Variants in MECOM observed in about 807,000 individuals in gnomAD.
The protein encoded by MECOM is MDS1 and EVI1 complex locus.
In MECOM, 13 loss-of-function variants were observed where a neutral mutation model predicts 116.3. That is an observed-to-expected ratio of 0.11 (90% CI 0.07 to 0.18). MECOM has a LOEUF of 0.18. Among genes scored for constraint, MECOM ranks in the 10% least tolerant of loss-of-function variants. The pLI, the probability that MECOM is intolerant of heterozygous loss-of-function variation, is 1.00. For missense variants in MECOM, 1,299 were observed against 1,509.0 expected, an observed-to-expected ratio of 0.86 and a Z score of 2.31; for synonymous variants, 528 against 535.2, an observed-to-expected ratio of 0.99 and a Z score of 0.19.
chr3:169,606,350 T>C (rs2109785425), intron 1 of MECOM, among the ~76,000 whole-genome samples: 2 of 151,488 alleles, frequency 1.3e-5, no homozygotes, highest in Non-Finnish European at 2.9e-5. Flanking sequence ...GAGGCGGAGT[T>C]TGCAGCAAGC....
In MECOM at chr3:169,327,501, G is replaced by C. The variant is rs914468321; in HGVS notation, c.375+53686C>G. Among the ~76,000 whole-genome samples the C allele has an allele frequency of 2.0e-5, 3 of 151,902 alleles. No homozygotes were observed. In the East Asian group the frequency reaches 5.8e-4, roughly 29 times the overall value. ...AAAAATACAAAAATTAGCCGGGTAT[G>C]GTGGCACATGCCTGTAGTCTCAGTC... On this transcript the variant is annotated intron_variant, in intron 2 of 16. Coordinates refer to ENST00000651503, the MANE Select transcript of MECOM (RefSeq NM_004991.4).
In MECOM at chr3:169,121,047, A is replaced by C; in HGVS notation, c.1132+9T>G. Reference sequence around the variant, plus strand: ...TGTGGGAAGGAGGGCTGGAGTGTTGAAAACTTACAGATAAAGGGCTTCACA... The same window carrying C: ...TGTGGGAAGGAGGGCTGGAGTGTTGCAAACTTACAGATAAAGGGCTTCACA... On this transcript the variant is annotated intron_variant, in intron 7 of 16. Transcript: ENST00000651503. 6.3e-7 allele frequency: 1 copy of C among 1,595,454 alleles called. No individual in the cohort carries two copies. The highest frequency in any genetic ancestry group is 8.6e-7 in the Non-Finnish European group (1 of 1,166,600).
intron 1 of MECOM, among the ~76,000 whole-genome samples, chr3:169,617,544 T>C (rs1208635276): frequency 1.3e-5 from 2 of 152,194 alleles, no homozygotes; most frequent in Non-Finnish European, 2.9e-5. Flanking sequence ...TCTTCTTTCC[T>C]GCCAGTCCAA....
chr3:169,621,123 A>G (rs900332122), intron 1 of MECOM, among the ~76,000 whole-genome samples: 3 of 152,216 alleles, frequency 2.0e-5, no homozygotes, highest in Non-Finnish European at 4.4e-5. Flanking sequence ...CCAACCTTAT[A>G]AAGAATTTAA....
intron 2 of MECOM, among the ~76,000 whole-genome samples, chr3:169,241,748 G>A (rs1045302402): frequency 6.6e-6 from 1 of 152,130 alleles, no homozygotes; most frequent in African/African-American, 2.4e-5. Flanking sequence ...ATGTTGAACA[G>A]GAAATGTTTG....
chr3:169,095,578 A>G (rs1721194231), intron 12 of MECOM, among the ~76,000 whole-genome samples: 1 of 152,202 alleles, frequency 6.6e-6, no homozygotes, highest in South Asian at 2.1e-4. Context: ...AGGACAATAC[A>G]ACTAATTTTT....
intron 2 of MECOM, among the ~76,000 whole-genome samples, chr3:169,274,663 C>A (rs1759373412): frequency 1.3e-5 from 2 of 152,106 alleles, no homozygotes; most frequent in Admixed American, 1.3e-4. Context: ...TCTATAAATG[C>A]ACTGTCAAAT....
chr3:169,563,316 T>C (rs1441840440), intron 1 of MECOM, among the ~76,000 whole-genome samples: 1 of 152,168 alleles, frequency 6.6e-6, no homozygotes, highest in Non-Finnish European at 1.5e-5. Flanking sequence ...AGGCCAACAC[T>C]ACCACCATGT....
chr3:169,227,146 C>A (rs1480342327), intron 2 of MECOM, among the ~76,000 whole-genome samples: 2 of 152,034 alleles, frequency 1.3e-5, no homozygotes, highest in African/African-American at 4.8e-5. Flanking sequence ...AGAGCAGGCC[C>A]AGATTGTACA....
intron 2 of MECOM, among the ~76,000 whole-genome samples, chr3:169,341,214 T>C (rs1724440322): frequency 6.6e-6 from 1 of 151,830 alleles, no homozygotes. Context: ...AGAAAAATTA[T>C]GCTAAAAAAT....
intron 1 of MECOM, among the ~76,000 whole-genome samples, chr3:169,436,245 C>CTTT (rs11349670): frequency 7.8e-4 from 73 of 93,676 alleles, no homozygotes; most frequent in East Asian, 2.9e-3. Context: ...GGCTAAATCG[C>CTTT]TTTTTTTTTT....
chr3:169,440,772 G>A (rs1019662741), intron 1 of MECOM, among the ~76,000 whole-genome samples: 1 of 152,084 alleles, frequency 6.6e-6, no homozygotes, highest in African/African-American at 2.4e-5. Flanking sequence ...GATGTTGGGA[G>A]GGGGAGATGA....
At chr3:169,463,116 A>G (rs956429168) in intron 1 of MECOM, among the ~76,000 whole-genome samples, 1 of 152,184 alleles carries the variant, frequency 6.6e-6, no homozygotes, top group African/African-American at 2.4e-5. Flanking sequence ...TATGTCTGTG[A>G]GCATACAAAA....
At chr3:169,157,438 A>G (rs1742158883) in intron 2 of MECOM, among the ~76,000 whole-genome samples, 1 of 152,208 alleles carries the variant, frequency 6.6e-6, no homozygotes. Flanking sequence ...AAATAAAGTA[A>G]CAACACTACA....
At chr3:169,525,450 T>C (rs1249130677) in intron 1 of MECOM, among the ~76,000 whole-genome samples, 1 of 152,200 alleles carries the variant, frequency 6.6e-6, no homozygotes, top group African/African-American at 2.4e-5. Flanking sequence ...TAACAGGGAC[T>C]GTAGGGAGTT....
At chr3:169,601,122 T>TA (rs891237623) in intron 1 of MECOM, among the ~76,000 whole-genome samples, 1 of 152,192 alleles carries the variant, frequency 6.6e-6, no homozygotes, top group African/African-American at 2.4e-5. Flanking sequence ...AGAATGAAGC[T>TA]AAAAGCCAGG....
chr3:169,610,448 T>C (rs1769104005), intron 1 of MECOM, among the ~76,000 whole-genome samples: 1 of 152,158 alleles, frequency 6.6e-6, no homozygotes, highest in South Asian at 2.1e-4. Flanking sequence ...TGTTGACCAA[T>C]TTAATCCTTG....
intron 10 of MECOM, among the ~76,000 whole-genome samples, chr3:169,106,750 C>T (rs1349607579): frequency 6.6e-6 from 1 of 152,012 alleles, no homozygotes; most frequent in East Asian, 1.9e-4. Flanking sequence ...TCATACTGTA[C>T]CTTAGAAAAG....
chr3:169,149,602 C>G (rs1383851795), intron 2 of MECOM: 1 of 441,718 alleles, frequency 2.3e-6, no homozygotes, highest in South Asian at 1.7e-5. Flanking sequence ...CCTCGCCCGC[C>G]GTTCCGCGTC....
Sources: allele counts gnomAD v4.1 joint callset (sites outside exome capture counted in the v4.1 genomes callset), GRCh38; gene constraint gnomAD v4.1.1; transcripts MANE v1.5; gene names NCBI Gene and HGNC (gene_info 2026-07-23, HGNC 2026-07-21).